Variants in KCNN3 observed in about 807,000 individuals in gnomAD.
KCNN3 encodes the protein potassium calcium-activated channel subfamily N member 3.
A neutral mutation model predicts 62.9 loss-of-function variants in KCNN3; 16 were observed. The observed-to-expected ratio is 0.25, with a 90% CI of 0.17 to 0.39. KCNN3 has a LOEUF of 0.39. Among genes scored for constraint, KCNN3 ranks in the 10% least tolerant of loss-of-function variants. The pLI is 1.00. For missense variants in KCNN3, 599 were observed against 949.4 expected (o/e 0.63, Z 4.85); for synonymous variants, 370 against 389.2 (o/e 0.95, Z 0.58).
chr1:154,697,554 T>C lies in KCNN3; in HGVS notation c.*10422A>G, dbSNP rs567067764. 2 of 152,286 alleles carry C rather than the reference T, an allele frequency of 1.3e-5. No individual in the cohort carries two copies. The highest frequency in any genetic ancestry group is 4.2e-4 in the South Asian group (2 of 4,818). The allele number at this position is 152,286 out of a possible 1,614,324, so 9.4% of individuals were successfully genotyped here. On this transcript the variant is annotated 3_prime_UTR_variant, in exon 8 of 8. Transcript: ENST00000271915. Reference sequence around the variant, plus strand: ...GTAACATTTAAAAATGCCCATTCTCTCCAGCTTCAGTTCAAGCAGGAGTGG... The same window carrying C: ...GTAACATTTAAAAATGCCCATTCTCCCCAGCTTCAGTTCAAGCAGGAGTGG...
chr1:154,753,162 C>T (rs1647466012), intron 3 of KCNN3, among the ~76,000 whole-genome samples: 1 of 152,196 alleles, frequency 6.6e-6, no homozygotes, highest in African/African-American at 2.4e-5. Context: ...ACTCAGTTAA[C>T]TATATTCACA....
intron 3 of KCNN3, among the ~76,000 whole-genome samples, chr1:154,735,484 T>C (rs1335481283): frequency 3.3e-5 from 5 of 152,182 alleles, no homozygotes; most frequent in African/African-American, 9.7e-5. Context: ...CTCCATCTGC[T>C]ATACTTGCTC....
intron 4 of KCNN3, among the ~76,000 whole-genome samples, chr1:154,731,769 G>T (rs921857624): frequency 1.3e-5 from 2 of 152,190 alleles, no homozygotes; most frequent in South Asian, 4.1e-4. Context: ...GGAGGGTTGC[G>T]GTCTCCAGCC....
chr1:154,805,358 C>T (rs991905487), intron 2 of KCNN3, among the ~76,000 whole-genome samples: 4 of 152,138 alleles, frequency 2.6e-5, no homozygotes, highest in Admixed American at 2.6e-4. Context: ...CTATTCAATG[C>T]CTCCCCTGAG....
In KCNN3 at chr1:154,788,313, GAAGCACCATACA is replaced by G. The variant is rs1490072037; in HGVS notation, c.1030-15932_1030-15921del. On this transcript the variant is annotated intron_variant, in intron 2 of 7. Transcript: ENST00000271915. ...CTTCTGCCGAGTGCTGGCCATGTTG[GAAGCACCATACA>G]AAGTGGTTGAGTGGCCAAATGTTTG... Among the ~76,000 whole-genome samples, 13 of 152,324 alleles carry G rather than the reference GAAGCACCATACA, an allele frequency of 8.5e-5. No homozygotes were observed. In the South Asian group the frequency reaches 2.5e-3, roughly 29 times the overall value.
rs1444271102 is a variant in KCNN3 at position 154,733,109 on chromosome 1, A to G, written c.1484T>C (p.Leu495Pro). ...GATGGAGATGAGCCACATGGCACCC[A>G]GAAAGTTACTAGTTACGTCCTGCTG... ...HDQQDVTSNFLGAMWLISITF... is the reference protein window; with the variant it reads ...HDQQDVTSNFPGAMWLISITF... The change falls in exon 4 of 8, where the codon CTG (leucine) becomes CCG (proline). Residue 495 changes from leucine (L) to proline (P), a missense_variant. This residue lies in a region of KCNN3 where 288 missense variants were observed against 557.4 expected (regional missense o/e 0.52). Transcript: ENST00000271915. The G allele has an allele frequency of 1.9e-6, 3 of 1,614,124 alleles. No homozygotes were observed. The highest frequency in any genetic ancestry group is 2.5e-6 in the Non-Finnish European group (3 of 1,180,044).
chr1:154,837,835 AG>A (rs2101908443), intron 1 of KCNN3, among the ~76,000 whole-genome samples: 2 of 152,336 alleles, frequency 1.3e-5, no homozygotes, highest in East Asian at 3.9e-4. Context: ...CGTGGGGGCC[AG>A]GTGGGTGGGG....
chr1:154,815,506 G>A (rs981471436), intron 2 of KCNN3, among the ~76,000 whole-genome samples: 1 of 152,144 alleles, frequency 6.6e-6, no homozygotes, highest in Non-Finnish European at 1.5e-5. Flanking sequence ...TCATATTATG[G>A]CACTTATGAC....
At chr1:154,737,522 A>G (rs2101798325) in intron 3 of KCNN3, among the ~76,000 whole-genome samples, 1 of 152,334 alleles carries the variant, frequency 6.6e-6, no homozygotes, top group South Asian at 2.1e-4. Context: ...CATGAAAGAC[A>G]CAGATCAAAC....
In KCNN3 at chr1:154,765,628, C is replaced by CT. The variant is rs55633526; in HGVS notation, c.1448+6346dup. Among the ~76,000 whole-genome samples the CT allele has an allele frequency of 4.6e-3, 602 of 129,704 alleles. 5 individuals carry two copies. The highest frequency in any genetic ancestry group is 8.1e-3 in the Middle Eastern group (2 of 248). The allele number at this position is 129,704 out of a possible 152,430, so 85.1% of individuals were successfully genotyped here. ...TGCCCAAGACTCTTCTTTCTTTTTC[C>CT]TTTTTTTTTTTTTTTTTTGAGACAG... On this transcript the variant is annotated intron_variant, in intron 3 of 7. Transcript: ENST00000271915.
chr1:154,730,217 C>T (rs1700563824), intron 4 of KCNN3, among the ~76,000 whole-genome samples: 1 of 152,232 alleles, frequency 6.6e-6, no homozygotes, highest in African/African-American at 2.4e-5. Context: ...TGGGTGAAAT[C>T]TCTCAAACAC....
chr1:154,746,228 C>CA (rs1203519695), intron 3 of KCNN3, among the ~76,000 whole-genome samples: 1 of 152,018 alleles, frequency 6.6e-6, no homozygotes, highest in Non-Finnish European at 1.5e-5. Context: ...AACACCAAGG[C>CA]AAAAAAGGGC....
intron 2 of KCNN3, among the ~76,000 whole-genome samples, chr1:154,811,473 G>T (rs1196872684): frequency 6.6e-6 from 1 of 152,186 alleles, no homozygotes; most frequent in African/African-American, 2.4e-5. Context: ...AGTTTAAAAA[G>T]TGTTTTAAAT....
At chr1:154,730,972 G>A (rs1700579664) in intron 4 of KCNN3, among the ~76,000 whole-genome samples, 1 of 152,186 alleles carries the variant, frequency 6.6e-6, no homozygotes, top group Admixed American at 6.5e-5. Context: ...GTAGAGCCAG[G>A]AGATGCGGAG....
intron 3 of KCNN3, among the ~76,000 whole-genome samples, chr1:154,745,784 AT>A (rs1446337087): frequency 1.3e-5 from 2 of 152,258 alleles, no homozygotes; most frequent in Non-Finnish European, 1.5e-5. Context: ...TATTAAAAAA[AT>A]ATTTCCATGT....
At chr1:154,818,176 G>A (rs370371630) in intron 2 of KCNN3, among the ~76,000 whole-genome samples, 1 of 152,174 alleles carries the variant, frequency 6.6e-6, no homozygotes, top group Admixed American at 6.5e-5. Context: ...TGAAAGGTCC[G>A]TGCTCCAAAA....
At chr1:154,714,048 C>T (rs202148386) in intron 6 of KCNN3, among the ~76,000 whole-genome samples, 120 of 1,366 alleles carry the variant, frequency 0.088, no homozygotes, top group African/African-American at 0.12. Flanking sequence ...GTGGTGTGTG[C>T]GGGGTGTGTG....
intron 2 of KCNN3, among the ~76,000 whole-genome samples, chr1:154,788,473 G>C (rs1649378277): frequency 6.6e-6 from 1 of 152,186 alleles, no homozygotes; most frequent in Admixed American, 6.5e-5. Context: ...CTTGACTCTT[G>C]TTTTGAAGTA....
At chr1:154,735,430 C>T (rs1039810615) in intron 3 of KCNN3, among the ~76,000 whole-genome samples, 2 of 152,148 alleles carry the variant, frequency 1.3e-5, no homozygotes, top group Admixed American at 6.5e-5. Flanking sequence ...AGAAAAGATA[C>T]CCCCTCCCCA....
Sources: gnomAD v4.1 joint callset for allele counts (sites outside exome capture counted in the v4.1 genomes callset) on GRCh38, gnomAD v4.1.1 for gene constraint, gnomAD v4.1.1 regional missense constraint, MANE v1.5 for transcripts, NCBI Gene and HGNC (gene_info 2026-07-23, HGNC 2026-07-21) for gene names.